The following PRAF2 variants were observed in gnomAD, a reference collection of about 807,000 sequenced individuals.
PRAF2 encodes the protein PRA1 family protein 2.
A neutral mutation model predicts 9.7 loss-of-function variants in PRAF2; 5 were observed. The ratio of observed to expected loss-of-function variants is 0.51; its 90% CI spans 0.27 to 1.08. The LOEUF (loss-of-function observed/expected upper bound fraction) is 1.08. Ranked by LOEUF, PRAF2 falls within the 50% of genes least tolerant of loss-of-function variation. The pLI, the probability that PRAF2 is intolerant of heterozygous loss-of-function variation, is 0.12. For missense variants in PRAF2, 135 were observed against 160.7 expected, an observed-to-expected ratio of 0.84 and a Z score of 0.86; for synonymous variants, 61 against 76.6, an observed-to-expected ratio of 0.80 and a Z score of 1.06.
chrX:49,072,911 C>T (rs1451000374), intron 1 of PRAF2, among the ~76,000 whole-genome samples: 1 of 110,975 alleles, frequency 9.0e-6, no homozygotes, highest in Non-Finnish European at 1.9e-5. Flanking sequence ...CTGCTAGACA[C>T]TCCCCACACC....
rs1557083309 is a variant in PRAF2 at position 49,072,546 on chromosome X, C to CA, written c.283_284insT (p.Arg95LeufsTer52). On this transcript the variant is annotated frameshift_variant, in exon 2 of 3. Transcript: ENST00000553851. LOFTEE classifies it high-confidence loss of function. ...CAGGCAGGCTGCAGGGTGGCTGCGG[C>CA]GGCAGCGGCGCACAGCTGCGCGGGT... is the stretch of plus-strand genomic sequence containing the variant. 2.6e-6 allele frequency: 3 copies of CA among 1,168,199 alleles called. No homozygotes were observed. Among genetic ancestry groups the CA allele is most frequent in the Non-Finnish European group, 3.4e-6 (3 of 873,805 alleles).
intron 1 of PRAF2, among the ~76,000 whole-genome samples, 195 bp from the exon 2 acceptor site, chrX:49,072,845 CCTT>C (rs1324784005): frequency 1.8e-5 from 2 of 111,062 alleles, no homozygotes; most frequent in Non-Finnish European, 3.8e-5. Flanking sequence ...CTCCTTTCCT[CCTT>C]GTCAATTCCA....
At chrX:49,072,871 C>T (rs2065016559) in intron 1 of PRAF2, among the ~76,000 whole-genome samples, 1 of 111,032 alleles carries the variant, frequency 9.0e-6, no homozygotes, top group Non-Finnish European at 1.9e-5. Context: ...GTCCTGTCTT[C>T]CTCAGGTCCC....
At chrX:49,073,674 C>A in intron 1 of PRAF2, 135 bp downstream of exon 1, 4 of 812,276 alleles carry the variant, frequency 4.9e-6, no homozygotes, top group Non-Finnish European at 5.1e-6. Flanking sequence ...GCCCCTCAGG[C>A]CGTCCATCTC....
Position 49,073,911 on chromosome X carries a change from T to A in PRAF2, c.77A>T (p.Asp26Val). ...VLGSARLAAP[D>V]PCDPQRWCHR... ...GCACCATCGCTGCGGGTCGCATGGA[T>A]CCGGAGCCGCCAGACGCGCCGACCC... The change falls in exon 1 of 3, where the codon GAT becomes GTT. Residue 26 changes from aspartate to valine, a missense_variant. Physicochemically the swap from Asp to Val is radical, Grantham distance 152. Coordinates refer to ENST00000553851, the MANE Select transcript of PRAF2 (RefSeq NM_007213.3). The A allele has an allele frequency of 8.3e-7, 1 of 1,211,592 alleles. No homozygotes were observed. Among genetic ancestry groups the A allele is most frequent in the African/African-American group, 1.7e-5 (1 of 57,913 alleles).
In PRAF2 at chrX:49,071,763, G is replaced by A; in HGVS notation, c.*106C>T. On this transcript the variant is annotated 3_prime_UTR_variant, in exon 3 of 3. Coordinates refer to ENST00000553851, the MANE Select transcript of PRAF2 (RefSeq NM_007213.3). ...CAGATGTCCTGTTTTGTTTGGGCAG[G>A]GGGCTCTAGGCTCCTGTTTTAAGTG... is the stretch of plus-strand genomic sequence containing the variant. The A allele has an allele frequency of 1.0e-6, 1 of 976,249 alleles. No homozygotes were observed. Among genetic ancestry groups the A allele is most frequent in the African/African-American group, 2.0e-5 (1 of 50,497 alleles). 80.5% of individuals were successfully genotyped at this position (976,249 alleles called of 1,213,427 possible).
In PRAF2 at chrX:49,071,903, T is replaced by A. The variant is rs185904234; in HGVS notation, c.503A>T (p.Glu168Val). 2.2e-5 allele frequency: 26 copies of A among 1,208,497 alleles called. 1 individual carries two copies. The Admixed American group carries it at 5.5e-4, about 25-fold the overall frequency. Reference sequence around the variant, plus strand: ...AGCCTCCTGCTCTTGTCCCAGTGCCTCTAGTAGCAGGCCCATTGGCGTCCG... The same window carrying A: ...AGCCTCCTGCTCTTGTCCCAGTGCCACTAGTAGCAGGCCCATTGGCGTCCG... The part of the protein sequence containing the change: ...LKRTPMGLLL[E>V]ALGQEQEAGS The change falls in exon 3 of 3, where the codon GAG becomes GTG. Residue 168 changes from glutamate to valine, a missense_variant. By Grantham distance (121) the Glu-to-Val change is moderately radical. Coordinates refer to ENST00000553851, the MANE Select transcript of PRAF2 (RefSeq NM_007213.3).
intron 1 of PRAF2, among the ~76,000 whole-genome samples, chrX:49,073,587 TC>T (rs2065019076): frequency 9.4e-6 from 1 of 106,227 alleles, no homozygotes; most frequent in Non-Finnish European, 1.9e-5. Flanking sequence ...CCGCAGGCCC[TC>T]CTCATCAGCC....
chrX:49,071,796 A>G lies in PRAF2; in HGVS notation c.*73T>C. On this transcript the variant is annotated 3_prime_UTR_variant, in exon 3 of 3. Coordinates refer to ENST00000553851, the MANE Select transcript of PRAF2 (RefSeq NM_007213.3). Reference sequence around the variant, plus strand: ...AGGCTCCTGTTTTAAGTGCTGGGAAAGGGCTCTGGGTCCCAATTATGGGCT... The same window carrying G: ...AGGCTCCTGTTTTAAGTGCTGGGAAGGGGCTCTGGGTCCCAATTATGGGCT... 5 of 1,100,566 alleles carry G rather than the reference A, an allele frequency of 4.5e-6. No homozygotes were observed. Among genetic ancestry groups the G allele is most frequent in the Non-Finnish European group, 6.0e-6 (5 of 836,484 alleles). 90.7% of individuals were successfully genotyped at this position (1,100,566 alleles called of 1,213,427 possible).
chrX:49,072,716 C>A lies in PRAF2; in HGVS notation c.180-66G>T. The A allele has an allele frequency of 3.8e-6, 4 of 1,055,509 alleles. No individual in the cohort carries two copies. The South Asian group carries it at 8.2e-5, about 22-fold the overall frequency. The allele number at this position is 1,055,509 out of a possible 1,213,427, so 87.0% of individuals were successfully genotyped here. On this transcript the variant is annotated intron_variant, in intron 1 of 2. Transcript: ENST00000553851. ...AGACGGCCTCCGGACCACCACCCAC[C>A]CTGGGCCCCAAGAGCCAGGGTCTCC...
intron 1 of PRAF2, 138 bp from the exon 2 acceptor site, chrX:49,072,788 TC>T: frequency 1.7e-6 from 1 of 592,607 alleles, no homozygotes; most frequent in Non-Finnish European, 2.7e-6. Flanking sequence ...CAGCCCTATC[TC>T]CAGCAGGCCC....
chrX:49,072,035 C>A, intron 2 of PRAF2, 27 bp from the exon 3 acceptor site: 1 of 1,194,638 alleles, frequency 8.4e-7, no homozygotes, highest in South Asian at 1.8e-5. Flanking sequence ...GAGGGGTGGT[C>A]AGTGGAATAG....
chrX:49,073,975 G>T lies in PRAF2; in HGVS notation c.13C>A (p.Arg5=), dbSNP rs1557083602. The T allele has an allele frequency of 5.0e-6, 6 of 1,201,376 alleles. No homozygotes were observed. MSEV[R]LPPLRALDDF... is the part of the protein sequence containing the mutation. ...TCCAGGGCGCGTAGCGGTGGCAGCC[G>T]CACCTCCGACATCCTGCCGGTTAAT... Residue 5 remains arginine (R), a synonymous_variant, in exon 1 of 3, where the codon CGG becomes AGG. Coordinates refer to ENST00000553851, the MANE Select transcript of PRAF2 (RefSeq NM_007213.3).
In PRAF2 at chrX:49,071,680, T is replaced by G; in HGVS notation, c.*189A>C. ...GGGGAAGACTCTTGTCCCTAGGTAA[T>G]GGGGGCTGGGTGTGAGGGATATCTT... is the stretch of plus-strand genomic sequence containing the variant. On this transcript the variant is annotated 3_prime_UTR_variant, in exon 3 of 3. Transcript: ENST00000553851. 2.4e-6 allele frequency: 1 copy of G among 412,098 alleles called. No individual in the cohort carries two copies. Among genetic ancestry groups the G allele is most frequent in the Non-Finnish European group, 4.0e-6 (1 of 251,966 alleles). The allele number at this position is 412,098 out of a possible 1,213,427, so 34.0% of individuals were successfully genotyped here.
At chrX:49,072,239 A>G in intron 2 of PRAF2, 194 bp downstream of exon 2, 1 of 596,336 alleles carries the variant, frequency 1.7e-6, no homozygotes, top group Non-Finnish European at 2.6e-6. Context: ...ACCAAGAGTG[A>G]GATAGGAAAG....
At position 49,071,685 on chromosome X, in the gene PRAF2, G is replaced by T; in HGVS notation, c.*184C>A. The T allele has an allele frequency of 6.9e-6, 3 of 436,708 alleles. No homozygotes were observed. The highest frequency in any genetic ancestry group is 1.1e-5 in the Non-Finnish European group (3 of 268,429). The allele number at this position is 436,708 out of a possible 1,213,427, so 36.0% of individuals were successfully genotyped here. A position where few individuals can be genotyped will look rare whatever the true frequency, so the allele number is the denominator to read the frequency against. On this transcript the variant is annotated 3_prime_UTR_variant, in exon 3 of 3. Coordinates refer to ENST00000553851, the MANE Select transcript of PRAF2 (RefSeq NM_007213.3). ...AGACTCTTGTCCCTAGGTAATGGGG[G>T]CTGGGTGTGAGGGATATCTTAGTTT...
Position 49,072,454 on chromosome X carries a change from T to G in PRAF2, c.376A>C (p.Ser126Arg). The change falls in exon 2 of 3, where the codon AGC (serine) becomes CGC (arginine). Residue 126 changes from serine (S) to arginine (R), a missense_variant. Ser to Arg is a moderately radical substitution (Grantham distance 110). Coordinates refer to ENST00000553851, the MANE Select transcript of PRAF2 (RefSeq NM_007213.3). ...TCACGAAGCACCGGCCCGGCGATGCTGAACAGGAAGGTGCAAGCGCCGCCC... is the reference window on the plus strand; with the variant it reads ...TCACGAAGCACCGGCCCGGCGATGCGGAACAGGAAGGTGCAAGCGCCGCCC... ...VAGGACTFLFSIAGPVLLILV... is the reference protein window; with the variant it reads ...VAGGACTFLFRIAGPVLLILV... 8.4e-7 allele frequency: 1 copy of G among 1,194,721 alleles called. No homozygotes were observed. The highest frequency in any genetic ancestry group is 1.1e-6 in the Non-Finnish European group (1 of 887,760).
chrX:49,072,630 G>GT lies in PRAF2; in HGVS notation c.199dup (p.Thr67AsnfsTer20). ...CGCCACTACCAGCGCGCTCAGGAGC[G>GT]TATGAAGTGGCCGCACGTACCTGCG... On this transcript the variant is annotated frameshift_variant, in exon 2 of 3. Coordinates refer to ENST00000553851, the MANE Select transcript of PRAF2 (RefSeq NM_007213.3). LOFTEE classifies it high-confidence loss of function. The GT allele has an allele frequency of 2.6e-6, 3 of 1,165,119 alleles. No homozygotes were observed. The highest frequency in any genetic ancestry group is 3.4e-6 in the Non-Finnish European group (3 of 872,581).
rs781870433 is a variant in PRAF2, at chrX:49,073,882, G to C, written c.106C>G (p.Arg36Gly). ...DPCDPQRWCH[R>G]VINNLLYYQT... ...TAGTAGAGGAGGTTGTTGATGACGCGGTGGCACCATCGCTGCGGGTCGCAT... is the reference window on the plus strand; with the variant it reads ...TAGTAGAGGAGGTTGTTGATGACGCCGTGGCACCATCGCTGCGGGTCGCAT... The change falls in exon 1 of 3, where the codon CGC (arginine) becomes GGC (glycine). Residue 36 changes from arginine (R) to glycine (G), a missense_variant. Coordinates refer to ENST00000553851, the MANE Select transcript of PRAF2 (RefSeq NM_007213.3). 2 of 1,212,325 alleles carry C rather than the reference G, an allele frequency of 1.6e-6. No homozygotes were observed. Among genetic ancestry groups the C allele is most frequent in the East Asian group, 5.9e-5 (2 of 33,849 alleles).
Sources: gnomAD v4.1 joint callset for allele counts (sites outside exome capture counted in the v4.1 genomes callset) on GRCh38, gnomAD v4.1.1 for gene constraint, MANE v1.5 for transcripts, NCBI Gene and HGNC (gene_info 2026-07-23, HGNC 2026-07-21) for gene names.